Variants in ZNF101 observed in about 807,000 individuals in gnomAD.
The protein encoded by ZNF101 is zinc finger protein 101.
ZNF101 carries 34 observed loss-of-function variants against 42.6 expected under a neutral mutation model. The observed-to-expected ratio is 0.80, with a 90% CI of 0.61 to 1.06. The LOEUF (loss-of-function observed/expected upper bound fraction) is 1.06. ZNF101 is among the 50% of genes least tolerant of loss of function. The pLI is 0.00. For missense variants in ZNF101, 466 were observed against 530.9 expected, an observed-to-expected ratio of 0.88 and a Z score of 1.20; for synonymous variants, 158 against 183.9, an observed-to-expected ratio of 0.86 and a Z score of 1.14.
chr19:19,668,968 T>C lies in ZNF101; in HGVS notation c.3+2T>C. ...CAGGACACCCGGAAGCCGGAAATGGTGAGCGTGCGGAGCCGGGCGTCCGGA... is the reference window on the plus strand; with the variant it reads ...CAGGACACCCGGAAGCCGGAAATGGCGAGCGTGCGGAGCCGGGCGTCCGGA... On this transcript the variant is annotated splice_donor_variant, in intron 1 of 3. Coordinates refer to ENST00000592502, the MANE Select transcript of ZNF101 (RefSeq NM_033204.4). LOFTEE classifies it high-confidence loss of function. 1 of 1,588,874 alleles carries C rather than the reference T, an allele frequency of 6.3e-7. No homozygotes were observed. Among genetic ancestry groups the C allele is most frequent in the Non-Finnish European group, 8.6e-7 (1 of 1,168,326 alleles).
Position 19,681,310 on chromosome 19 carries a change from T to C in ZNF101, c.*1010T>C, listed in dbSNP as rs2062239035. On this transcript the variant is annotated 3_prime_UTR_variant, in exon 4 of 4. Transcript: ENST00000592502. The stretch of plus-strand genomic sequence containing the variant: ...AGAAAAATTGTAGAAATGTACAGAA[T>C]ATGGGGAAACTCTCATTGCTCTCAT... The C allele has an allele frequency of 6.6e-6, 1 of 152,144 alleles. No individual in the cohort carries two copies. 9.4% of individuals were successfully genotyped at this position (152,144 alleles called of 1,614,324 possible). A position where few individuals can be genotyped will look rare whatever the true frequency, so the allele number is the denominator to read the frequency against.
chr19:19,682,227 T>C lies in ZNF101; in HGVS notation c.*1927T>C, dbSNP rs183298022. On this transcript the variant is annotated 3_prime_UTR_variant, in exon 4 of 4. Coordinates refer to ENST00000592502, the MANE Select transcript of ZNF101 (RefSeq NM_033204.4). ...TGTGAGCCACCGCGCCTGGCCTTTT[T>C]TTTTTTTCCCGAGACACAGTCTCAC... The C allele has an allele frequency of 6.9e-6, 1 of 145,656 alleles. No homozygotes were observed. The highest frequency in any genetic ancestry group is 1.5e-5 in the Non-Finnish European group (1 of 66,182). 9.0% of individuals were successfully genotyped at this position (145,656 alleles called of 1,614,324 possible).
rs1302333174 is a variant in ZNF101 at position 19,680,040 on chromosome 19, A to T, written c.1051A>T (p.Ser351Cys). The change falls in exon 4 of 4, where the codon AGT becomes TGT. Residue 351 changes from serine to cysteine, a missense_variant. Ser to Cys is a moderately radical substitution (Grantham distance 112). Coordinates refer to ENST00000592502, the MANE Select transcript of ZNF101 (RefSeq NM_033204.4). ...ATGTGGTAAAACCTTCAATTATCCCAGTTGTTTTCGAAGACATAAAAAAAC... is the reference window on the plus strand; with the variant it reads ...ATGTGGTAAAACCTTCAATTATCCCTGTTGTTTTCGAAGACATAAAAAAAC... ...NKCGKTFNYP[S>C]CFRRHKKTHS... 1 of 1,614,000 alleles carries T rather than the reference A, an allele frequency of 6.2e-7. No homozygotes were observed. The highest frequency in any genetic ancestry group is 1.7e-5 in the Admixed American group (1 of 59,974).
At chr19:19,677,661 C>T in intron 1 of ZNF101, 1 of 738,948 alleles carries the variant, frequency 1.4e-6, no homozygotes, top group Non-Finnish European at 2.0e-6. Context: ...TGGTCCTCCT[C>T]TGTGGCTGGC....
chr19:19,679,399 G>A lies in ZNF101; in HGVS notation c.410G>A (p.Arg137Lys). The A allele has an allele frequency of 6.2e-7, 1 of 1,614,008 alleles. No individual in the cohort carries two copies. The highest frequency in any genetic ancestry group is 8.5e-7 in the Non-Finnish European group (1 of 1,179,946). ...CGATCTGAGTGTGGTGGGGAATGGA[G>A]AGAGACGCCCCGTAAACAGAAACAA... ...HKRSECGGEW[R>K]ETPRKQKQHG... The change falls in exon 4 of 4, where the codon AGA becomes AAA. Residue 137 changes from arginine to lysine, a missense_variant. Coordinates refer to ENST00000592502, the MANE Select transcript of ZNF101 (RefSeq NM_033204.4).
At chr19:19,677,458 C>T (rs940672628) in intron 1 of ZNF101, 16 of 179,108 alleles carry the variant, frequency 8.9e-5, no homozygotes, top group Admixed American at 4.1e-4. Context: ...AAGTTGACCC[C>T]GATAGTAGCA....
In ZNF101 at chr19:19,677,966, A is replaced by G; in HGVS notation, c.106A>G (p.Thr36Ala). 2 of 1,611,862 alleles carry G rather than the reference A, an allele frequency of 1.2e-6. No homozygotes were observed. Among genetic ancestry groups the G allele is most frequent in the Non-Finnish European group, 8.5e-7 (1 of 1,178,672 alleles). ...TCTCTACAGAGATGTGACGCTGGAA[A>G]CCTTCAGGAACCTGGCCTCGGTCGG... The part of the protein sequence containing the change: ...KNLYRDVTLE[T>A]FRNLASVGIQ... Residue 36 changes from threonine (T) to alanine (A), a missense_variant, in exon 2 of 4, where the codon ACC (threonine) becomes GCC (alanine). Transcript: ENST00000592502.
rs951332192 is a variant in ZNF101, at chr19:19,682,343, C to T, written c.*2043C>T. The T allele has an allele frequency of 1.3e-5, 2 of 151,984 alleles. No homozygotes were observed. The highest frequency in any genetic ancestry group is 2.4e-5 in the African/African-American group (1 of 41,348). 9.4% of individuals were successfully genotyped at this position (151,984 alleles called of 1,614,324 possible). On this transcript the variant is annotated 3_prime_UTR_variant, in exon 4 of 4. Coordinates refer to ENST00000592502, the MANE Select transcript of ZNF101 (RefSeq NM_033204.4). ...CAAGCAATTCTCCTGCTTCAGTCTC[C>T]GAAGCATCTGGGATTACAGGCGCAC...
chr19:19,668,892 T>C lies in ZNF101; in HGVS notation c.-72T>C. ...GAGCCCCTGGTGCCCCGGATACGGCTGATTTTGTCGTGTGGGACCTGTTCT... is the reference window on the plus strand; with the variant it reads ...GAGCCCCTGGTGCCCCGGATACGGCCGATTTTGTCGTGTGGGACCTGTTCT... On this transcript the variant is annotated 5_prime_UTR_variant, in exon 1 of 4. Transcript: ENST00000592502. The C allele has an allele frequency of 2.0e-6, 3 of 1,520,078 alleles. No individual in the cohort carries two copies. The highest frequency in any genetic ancestry group is 2.5e-5 in the East Asian group (1 of 39,626). 94.2% of individuals were successfully genotyped at this position (1,520,078 alleles called of 1,614,324 possible). A position where few individuals can be genotyped will look rare whatever the true frequency, so the allele number is the denominator to read the frequency against.
chr19:19,669,586 C>A (rs1279299016), intron 1 of ZNF101, among the ~76,000 whole-genome samples: 2 of 152,270 alleles, frequency 1.3e-5, no homozygotes, highest in African/African-American at 2.4e-5. Flanking sequence ...CTCCGTCTTC[C>A]GGGTTCAAGT....
chr19:19,677,959 G>A lies in ZNF101; in HGVS notation c.99G>A (p.Thr33=), dbSNP rs150949920. ...PSQKNLYRDV[T]LETFRNLASV... is the part of the protein sequence containing the mutation. The stretch of plus-strand genomic sequence containing the variant: ...AGAAGAATCTCTACAGAGATGTGAC[G>A]CTGGAAACCTTCAGGAACCTGGCCT... The change falls in exon 2 of 4, where the codon ACG becomes ACA. Residue 33 remains threonine (T), a synonymous_variant. Transcript: ENST00000592502. 7.4e-5 allele frequency: 119 copies of A among 1,612,036 alleles called. 1 individual carries two copies. In the African/African-American group the frequency reaches 1.3e-3, roughly 18 times the overall value.
Position 19,680,304 on chromosome 19 carries a change from C to T in ZNF101, c.*4C>T. ...TCACCTGAGCCCAGGAGTTTGAGAC[C>T]AGCCTGGGCAACATAAGAAGGCCCC... On this transcript the variant is annotated 3_prime_UTR_variant, in exon 4 of 4. Coordinates refer to ENST00000592502, the MANE Select transcript of ZNF101 (RefSeq NM_033204.4). The T allele has an allele frequency of 1.4e-6, 2 of 1,449,002 alleles. No homozygotes were observed. The highest frequency in any genetic ancestry group is 2.2e-4 in the Middle Eastern group (1 of 4,482). The allele number at this position is 1,449,002 out of a possible 1,614,324, so 89.8% of individuals were successfully genotyped here.
Position 19,680,344 on chromosome 19 carries a change from C to T in ZNF101, c.*44C>T, listed in dbSNP as rs762309011. On this transcript the variant is annotated 3_prime_UTR_variant, in exon 4 of 4. Coordinates refer to ENST00000592502, the MANE Select transcript of ZNF101 (RefSeq NM_033204.4). Reference sequence around the variant, plus strand: ...AAGAAGGCCCCATATCGGCTGGGTACGGTGGCTCACGCTTGTAATCCCAGC... The same window carrying T: ...AAGAAGGCCCCATATCGGCTGGGTATGGTGGCTCACGCTTGTAATCCCAGC... The T allele has an allele frequency of 2.3e-5, 26 of 1,130,386 alleles. No individual in the cohort carries two copies. The highest frequency in any genetic ancestry group is 1.8e-4 in the East Asian group (7 of 38,378). The allele number at this position is 1,130,386 out of a possible 1,614,324, so 70.0% of individuals were successfully genotyped here.
chr19:19,676,861 C>G (rs553490505), intron 1 of ZNF101: 1 of 152,282 alleles, frequency 6.6e-6, no homozygotes, highest in East Asian at 1.9e-4. Context: ...TCTCAAACTC[C>G]TGTCCTCAAG....
At chr19:19,678,867 C>T in intron 3 of ZNF101, 81 bp downstream of exon 3, 2 of 1,222,698 alleles carry the variant, frequency 1.6e-6, no homozygotes, top group Non-Finnish European at 2.3e-6. Context: ...AAATACAAGA[C>T]AAATAAGTAC....
Position 19,679,721 on chromosome 19 carries a change from TA to T in ZNF101, c.733del (p.Arg245GlufsTer142). On this transcript the variant is annotated frameshift_variant, in exon 4 of 4. Coordinates refer to ENST00000592502, the MANE Select transcript of ZNF101 (RefSeq NM_033204.4). LOFTEE classifies it high-confidence loss of function. ...DYPSLFQIHV[R>X]THTGEKPYKC... The stretch of plus-strand genomic sequence containing the variant: ...ATCCCAGTTTATTTCAAATTCATGT[TA>T]GAACTCACACTGGAGAAAAACCTTA... The T allele has an allele frequency of 6.2e-7, 1 of 1,614,134 alleles. No homozygotes were observed. Among genetic ancestry groups the T allele is most frequent in the Non-Finnish European group, 8.5e-7 (1 of 1,179,998 alleles).
In ZNF101 at chr19:19,681,655, T is replaced by A. The variant is rs2062240506; in HGVS notation, c.*1355T>A. On this transcript the variant is annotated 3_prime_UTR_variant, in exon 4 of 4. Coordinates refer to ENST00000592502, the MANE Select transcript of ZNF101 (RefSeq NM_033204.4). ...GTCCCAGCTACTCAGGAAGCTGAGGTGGGAGGATTGCTTGAGTTTGGGAGG... is the reference window on the plus strand; with the variant it reads ...GTCCCAGCTACTCAGGAAGCTGAGGAGGGAGGATTGCTTGAGTTTGGGAGG... The A allele has an allele frequency of 1.3e-5, 2 of 151,836 alleles. No homozygotes were observed. Among genetic ancestry groups the A allele is most frequent in the Non-Finnish European group, 1.5e-5 (1 of 67,966 alleles). The allele number at this position is 151,836 out of a possible 1,614,324, so 9.4% of individuals were successfully genotyped here.
rs572221609 is a variant in ZNF101, at chr19:19,673,282, C to T, written c.3+4316C>T. Among the ~76,000 whole-genome samples the T allele has an allele frequency of 5.7e-4, 74 of 130,634 alleles. 1 individual carries two copies. Among genetic ancestry groups the T allele is most frequent in the African/African-American group, 1.9e-3 (65 of 34,054 alleles). 85.7% of individuals were successfully genotyped at this position (130,634 alleles called of 152,430 possible). On this transcript the variant is annotated intron_variant, in intron 1 of 3. Coordinates refer to ENST00000592502, the MANE Select transcript of ZNF101 (RefSeq NM_033204.4). ...TTTTTTTTTTTGAATTGGAGTCTTG[C>T]TCTGTCGCCGAGGCTGGGGTTCAGT...
At chr19:19,672,397 A>G (rs964117680) in intron 1 of ZNF101, 3 of 152,008 alleles carry the variant, frequency 2.0e-5, no homozygotes, top group Admixed American at 1.3e-4. Flanking sequence ...TTTTAGCTTT[A>G]GTAGAGACAG....
Sources: allele counts gnomAD v4.1 joint callset (sites outside exome capture counted in the v4.1 genomes callset), GRCh38; gene constraint gnomAD v4.1.1; transcripts MANE v1.5; gene names NCBI Gene and HGNC (gene_info 2026-07-23, HGNC 2026-07-21).